Variants in STXBP4 observed in about 807,000 individuals in gnomAD.
The protein encoded by STXBP4 is syntaxin-binding protein 4.
Under a neutral mutation model 76.1 loss-of-function variants are expected in STXBP4, and 55 were observed. The ratio of observed to expected loss-of-function variants is 0.72; its 90% CI spans 0.58 to 0.91. STXBP4 has a LOEUF of 0.91. STXBP4 is among the 40% of genes least tolerant of loss of function. The pLI is 0.00. For synonymous variants in STXBP4, 201 were observed against 220.2 expected (o/e 0.91, Z 0.77); for missense variants, 618 against 636.9 (o/e 0.97, Z 0.32).
At position 55,170,930 on chromosome 17, in the gene STXBP4, C is replaced by T. The variant is rs1022250759; in HGVS notation, c.*11019C>T. 1.3e-5 allele frequency: 2 copies of T among 152,178 alleles called. No individual in the cohort carries two copies. The highest frequency in any genetic ancestry group is 4.8e-5 in the African/African-American group (2 of 41,438). The allele number at this position is 152,178 out of a possible 1,614,324, so 9.4% of individuals were successfully genotyped here. On this transcript the variant is annotated 3_prime_UTR_variant, in exon 18 of 18. Coordinates refer to ENST00000376352, the MANE Select transcript of STXBP4 (RefSeq NM_178509.6). ...GTCTGGGGAGGGCCAAGTTTCATGA[C>T]AGAGAAAGACTGGGGCCAATTCTGT... is the stretch of plus-strand genomic sequence containing the variant.
intron 12 of STXBP4, among the ~76,000 whole-genome samples, chr17:55,058,883 T>A (rs544433783): frequency 2.0e-5 from 3 of 152,264 alleles, no homozygotes; most frequent in African/African-American, 7.2e-5. Context: ...ATTTATTTAT[T>A]TTTTTAACTG....
chr17:55,207,853 A>G, the STXBP4 span, among the ~76,000 whole-genome samples: 2 of 152,176 alleles, frequency 1.3e-5, no homozygotes, highest in Non-Finnish European at 2.9e-5. Context: ...GGATACCCAC[A>G]AAGTGTTAAC....
At chr17:55,152,805 A>G (rs2080230856) in intron 17 of STXBP4, among the ~76,000 whole-genome samples, 1 of 152,174 alleles carries the variant, frequency 6.6e-6, no homozygotes, top group Non-Finnish European at 1.5e-5. Flanking sequence ...ACAGAGCCAA[A>G]CCATATCATA....
chr17:55,176,410 T>A (rs1438626931), downstream of STXBP4, among the ~76,000 whole-genome samples: 1 of 151,906 alleles, frequency 6.6e-6, no homozygotes, highest in African/African-American at 2.4e-5. Context: ...TGAGACAGAG[T>A]GATGCTGTGG....
intron 12 of STXBP4, among the ~76,000 whole-genome samples, chr17:55,064,820 G>A (rs1462759128): frequency 6.6e-6 from 1 of 152,012 alleles, no homozygotes; most frequent in African/African-American, 2.4e-5. Context: ...AAATGTTTTT[G>A]TGTTGTCAAA....
intron 16 of STXBP4, among the ~76,000 whole-genome samples, chr17:55,113,717 C>T (rs1419442154): frequency 6.6e-6 from 1 of 152,104 alleles, no homozygotes; most frequent in African/African-American, 2.4e-5. Flanking sequence ...GCTCATAACC[C>T]ACCATGGAGA....
chr17:55,129,564 AAAAGAAAG>A (rs200337304), intron 16 of STXBP4, among the ~76,000 whole-genome samples: 6 of 152,092 alleles, frequency 3.9e-5, no homozygotes, highest in East Asian at 3.9e-4. Flanking sequence ...TTTATTTCTC[AAAAGAAAG>A]AAAGAAAGAA....
intron 7 of STXBP4, among the ~76,000 whole-genome samples, chr17:55,004,052 G>A (rs561703985): frequency 6.6e-5 from 10 of 151,958 alleles, no homozygotes; most frequent in Admixed American, 2.0e-4. Context: ...AGTGGTGCAC[G>A]CCTGAAGTCC....
intron 16 of STXBP4, among the ~76,000 whole-genome samples, chr17:55,126,271 A>G (rs554285780): frequency 4.8e-4 from 73 of 152,198 alleles, no homozygotes; most frequent in Non-Finnish European, 7.9e-4. Flanking sequence ...CCAACCTCCA[A>G]AAGACCAGAT....
Position 55,167,164 on chromosome 17 carries a change from C to A in STXBP4, c.*7253C>A, listed in dbSNP as rs1409376424. 1 of 152,144 alleles carries A rather than the reference C, an allele frequency of 6.6e-6. No individual in the cohort carries two copies. The highest frequency in any genetic ancestry group is 1.9e-4 in the East Asian group (1 of 5,200). The allele number at this position is 152,144 out of a possible 1,614,324, so 9.4% of individuals were successfully genotyped here. On this transcript the variant is annotated 3_prime_UTR_variant, in exon 18 of 18. Transcript: ENST00000376352. ...ACCTTTTAATAAAGTATCAATCACA[C>A]TATATATGTAATTAATTTGGATAGG...
At chr17:55,121,119 A>AT (rs1338402821) in intron 16 of STXBP4, among the ~76,000 whole-genome samples, 1 of 152,202 alleles carries the variant, frequency 6.6e-6, no homozygotes, top group African/African-American at 2.4e-5. Flanking sequence ...ACTGAGGAAG[A>AT]TTCAGTACCC....
At chr17:55,152,864 A>G (rs910330754) in intron 17 of STXBP4, among the ~76,000 whole-genome samples, 3 of 152,230 alleles carry the variant, frequency 2.0e-5, no homozygotes, top group Non-Finnish European at 4.4e-5. Flanking sequence ...CATATCATTT[A>G]TAATCAATGA....
chr17:55,062,176 GT>G (rs1188859929), intron 12 of STXBP4, among the ~76,000 whole-genome samples: 1 of 151,956 alleles, frequency 6.6e-6, no homozygotes, highest in Non-Finnish European at 1.5e-5. Flanking sequence ...TGCCATGGTG[GT>G]TTGCTGCACC....
rs2787478 is a variant in STXBP4, at chr17:55,023,521, C to G, written c.667-7647C>G. On this transcript the variant is annotated intron_variant, in intron 8 of 17. Coordinates refer to ENST00000376352, the MANE Select transcript of STXBP4 (RefSeq NM_178509.6). The stretch of plus-strand genomic sequence containing the variant: ...CACCATCAGAAAGCAAAGGTGTGGA[C>G]TCAGCCACCCGTGTGGACAATTTGT... 6.8e-3 allele frequency among the ~76,000 whole-genome samples: 1,036 copies of G among 152,216 alleles called. 7 individuals carry two copies. Among genetic ancestry groups the G allele is most frequent in the Non-Finnish European group, 0.012 (784 of 68,008 alleles).
At chr17:55,014,108 C>T (rs1280083154) in intron 8 of STXBP4, among the ~76,000 whole-genome samples, 1 of 152,098 alleles carries the variant, frequency 6.6e-6, no homozygotes, top group Non-Finnish European at 1.5e-5. Flanking sequence ...TTTTACTAGA[C>T]CTTGGGCTTT....
At chr17:55,123,720 GAA>G (rs1027202880) in intron 16 of STXBP4, among the ~76,000 whole-genome samples, 1 of 151,932 alleles carries the variant, frequency 6.6e-6, no homozygotes, top group African/African-American at 2.4e-5. Context: ...CTAAGACAGT[GAA>G]ACCCCGTCTC....
intron 11 of STXBP4, among the ~76,000 whole-genome samples, chr17:55,045,765 A>AT (rs1011047442): frequency 6.6e-6 from 1 of 152,246 alleles, no homozygotes; most frequent in South Asian, 2.1e-4. Flanking sequence ...TTTACATGTT[A>AT]TAATTACCTT....
intron 17 of STXBP4, among the ~76,000 whole-genome samples, chr17:55,154,177 T>G (rs930007074): frequency 1.3e-5 from 2 of 152,164 alleles, no homozygotes; most frequent in Non-Finnish European, 2.9e-5. Flanking sequence ...CTCAGAGTCC[T>G]CTACATTCGG....
intron 10 of STXBP4, among the ~76,000 whole-genome samples, chr17:55,042,595 T>C (rs2078720783): frequency 6.6e-6 from 1 of 152,122 alleles, no homozygotes; most frequent in South Asian, 2.1e-4. Flanking sequence ...CTGATTAGAC[T>C]ATCATTGTTT....
Sources: allele counts gnomAD v4.1 joint callset (sites outside exome capture counted in the v4.1 genomes callset), GRCh38; gene constraint gnomAD v4.1.1; transcripts MANE v1.5; gene names NCBI Gene and HGNC (gene_info 2026-07-23, HGNC 2026-07-21).